Variants in KLC1 observed in about 807,000 individuals in gnomAD.
KLC1 encodes kinesin light chain 1.
In KLC1, 30 loss-of-function variants were observed where a neutral mutation model predicts 84.2. The ratio of observed to expected loss-of-function variants is 0.36; its 90% CI spans 0.27 to 0.48. The LOEUF (loss-of-function observed/expected upper bound fraction) is 0.48, where lower values mean the gene tolerates loss of function less well. Ranked by LOEUF, KLC1 falls within the 20% of genes least tolerant of loss-of-function variation. The pLI, the probability that KLC1 is intolerant of heterozygous loss-of-function variation, is 0.99. For synonymous variants in KLC1, 289 were observed against 293.3 expected, an observed-to-expected ratio of 0.99 and a Z score of 0.15; for missense variants, 499 against 805.4, an observed-to-expected ratio of 0.62 and a Z score of 4.60.
intron 15 of KLC1, chr14:103,695,469 G>T (rs749398211): frequency 6.1e-6 from 6 of 985,110 alleles, no homozygotes; most frequent in Non-Finnish European, 7.2e-6. Context: ...GGCTGCCCCC[G>T]TAGTGGGCTA....
intron 13 of KLC1, chr14:103,682,657 C>A (rs949128353): frequency 6.6e-6 from 1 of 151,516 alleles, no homozygotes; most frequent in African/African-American, 2.4e-5. Context: ...GCACTCCAGC[C>A]TGGGTGACAG....
At chr14:103,651,692 G>A (rs928466123) in intron 1 of KLC1, among the ~76,000 whole-genome samples, 1 of 152,184 alleles carries the variant, frequency 6.6e-6, no homozygotes, top group Non-Finnish European at 1.5e-5. Context: ...CTTGGTACTG[G>A]GTCTGGCTTT....
chr14:103,676,912 T>C (rs2151736355), intron 11 of KLC1, among the ~76,000 whole-genome samples: 1 of 152,324 alleles, frequency 6.6e-6, no homozygotes, highest in Middle Eastern at 3.4e-3. Context: ...GCCATCTGCT[T>C]ATTGCTTCCC....
intron 5 of KLC1, among the ~76,000 whole-genome samples, chr14:103,666,943 A>AT (rs1403528225): frequency 2.0e-5 from 3 of 149,082 alleles, no homozygotes; most frequent in South Asian, 2.1e-4. Flanking sequence ...TGCCCAGCTA[A>AT]TTTTTTTTAT....
At chr14:103,696,114 C>T in intron 15 of KLC1, 2 of 955,712 alleles carry the variant, frequency 2.1e-6, no homozygotes, top group East Asian at 1.3e-4. Context: ...CGCCCCCCCC[C>T]ACAGCAGCCG....
chr14:103,698,622 A>C, intron 15 of KLC1: 1 of 654,830 alleles, frequency 1.5e-6, no homozygotes, highest in Non-Finnish European at 2.7e-6. Flanking sequence ...CCCAGCTCAG[A>C]TGGGGGTCAG....
chr14:103,664,967 A>T (rs753321522), intron 5 of KLC1, among the ~76,000 whole-genome samples: 1 of 151,944 alleles, frequency 6.6e-6, no homozygotes, highest in Non-Finnish European at 1.5e-5. Flanking sequence ...CACACACATC[A>T]CTGCTGGGTG....
intron 1 of KLC1, among the ~76,000 whole-genome samples, chr14:103,630,305 A>G (rs1169597390): frequency 6.6e-6 from 1 of 152,214 alleles, no homozygotes; most frequent in African/African-American, 2.4e-5. Flanking sequence ...ATAACTTAAC[A>G]TTTGTAGGTC....
Position 103,664,218 on chromosome 14 carries a change from C to G in KLC1, c.797+1291C>G, listed in dbSNP as rs748224773. ...CCAGGCTGGAGTGCAGTGGTGCAATCTCAGCTCACCGCAACCTCTGCTTCC... is the reference window on the plus strand; with the variant it reads ...CCAGGCTGGAGTGCAGTGGTGCAATGTCAGCTCACCGCAACCTCTGCTTCC... On this transcript the variant is annotated intron_variant, in intron 5 of 16. Coordinates refer to ENST00000334553, the MANE Select transcript of KLC1 (RefSeq NM_001394837.1). 3.3e-4 allele frequency among the ~76,000 whole-genome samples: 50 copies of G among 152,172 alleles called. 1 individual carries two copies. Among genetic ancestry groups the G allele is most frequent in the Non-Finnish European group, 6.6e-4 (45 of 68,038 alleles).
At chr14:103,645,762 C>CTTTT (rs34476127) in intron 1 of KLC1, among the ~76,000 whole-genome samples, 3 of 145,618 alleles carry the variant, frequency 2.1e-5, no homozygotes, top group Non-Finnish European at 3.0e-5. Flanking sequence ...TGTTACAATC[C>CTTTT]TTTTTTTTTT....
rs556946018 is a variant in KLC1 at position 103,694,912 on chromosome 14, G to T, written c.1848+2487G>T. ...AGGACTGCTGTGTTTGTGAAAGCGC[G>T]TTTGTTTCCACAAGACAAGCTCCGT... On this transcript the variant is annotated intron_variant, in intron 15 of 16. Coordinates refer to ENST00000334553, the MANE Select transcript of KLC1 (RefSeq NM_001394837.1). The surrounding 1 kb of genome is among the most constrained non-coding windows in gnomAD (Gnocchi z 4.5). The T allele has an allele frequency of 1.5e-5, 15 of 985,484 alleles. 1 individual carries two copies. In the South Asian group the frequency reaches 3.8e-4, roughly 25 times the overall value. 61.0% of individuals were successfully genotyped at this position (985,484 alleles called of 1,614,324 possible).
intron 1 of KLC1, among the ~76,000 whole-genome samples, chr14:103,647,958 T>G (rs1420315975): frequency 6.6e-6 from 1 of 151,960 alleles, no homozygotes; most frequent in Non-Finnish European, 1.5e-5. Flanking sequence ...GTATTGGGTT[T>G]TTTTTTCTTT....
At position 103,654,664 on chromosome 14, in the gene KLC1, G is replaced by C; in HGVS notation, c.100G>C (p.Gly34Arg). 6.2e-7 allele frequency: 1 copy of C among 1,614,146 alleles called. No homozygotes were observed. Among genetic ancestry groups the C allele is most frequent in the Non-Finnish European group, 8.5e-7 (1 of 1,180,026 alleles). ...TTCTAAGACAAAGCAAGTAATTCAG[G>C]GGCTGGAAGCTTTGAAGAATGAGCA... is the stretch of plus-strand genomic sequence containing the variant. ...IISKTKQVIQ[G>R]LEALKNEHNS... Residue 34 changes from glycine (G) to arginine (R), a missense_variant, in exon 2 of 17, where the codon GGG becomes CGG. Physicochemically the swap from Gly to Arg is moderately radical, Grantham distance 125 (BLOSUM62 -2). Transcript: ENST00000334553.
intron 9 of KLC1, among the ~76,000 whole-genome samples, chr14:103,675,198 G>A (rs1275678562): frequency 6.6e-6 from 1 of 152,052 alleles, no homozygotes; most frequent in Non-Finnish European, 1.5e-5. Flanking sequence ...GGTGGCGGGT[G>A]CCTATAATCC....
intron 9 of KLC1, 65 bp from the exon 10 acceptor site, chr14:103,675,487 G>A (rs930701770): frequency 1.1e-5 from 15 of 1,392,248 alleles, no homozygotes; most frequent in Non-Finnish European, 1.5e-5. Flanking sequence ...TCCCCTTAGA[G>A]CAGTTCAGAT....
At chr14:103,678,922 C>T (rs998609539) in intron 12 of KLC1, among the ~76,000 whole-genome samples, 11 of 152,124 alleles carry the variant, frequency 7.2e-5, no homozygotes, top group Admixed American at 7.2e-4. Context: ...ACTGAAATCA[C>T]AGTGAGATAC....
rs1490665208 is a variant in KLC1, at chr14:103,687,095, T to G, written c.1665T>G (p.Ser555=). ...GTTTTTTTCAGGATGGCACTGGATC[T>G]TTAAAACGCAGTGGTTCCTTTAGCA... is the stretch of plus-strand genomic sequence containing the variant. ...SVEWNGDGTG[S]LKRSGSFSKL... Residue 555 remains serine, a synonymous_variant, in exon 14 of 17, where the codon TCT becomes TCG. Transcript: ENST00000334553. 1 of 1,542,624 alleles carries G rather than the reference T, an allele frequency of 6.5e-7. No homozygotes were observed. The highest frequency in any genetic ancestry group is 1.2e-5 in the South Asian group (1 of 83,636).
chr14:103,637,260 G>A (rs183863750), intron 1 of KLC1, among the ~76,000 whole-genome samples: 3 of 151,974 alleles, frequency 2.0e-5, no homozygotes, highest in African/African-American at 7.2e-5. Context: ...GGCTGGGCGC[G>A]GTGGCTCACA....
intron 2 of KLC1, among the ~76,000 whole-genome samples, chr14:103,657,319 A>AT (rs150958519): frequency 0.016 from 2,471 of 152,068 alleles, 64 homozygotes; most frequent in African/African-American, 0.056. Context: ...AAAAATAAGT[A>AT]TTTTTTTGTA....
Sources: allele counts gnomAD v4.1 joint callset (sites outside exome capture counted in the v4.1 genomes callset), GRCh38; gene constraint gnomAD v4.1.1; non-coding constraint Gnocchi (gnomAD v3.1); transcripts MANE v1.5; gene names NCBI Gene and HGNC (gene_info 2026-07-23, HGNC 2026-07-21).